Variants in GPHN observed in about 807,000 individuals in gnomAD.
GPHN encodes the protein gephyrin.
Under a neutral mutation model 95.5 loss-of-function variants are expected in GPHN, and 17 were observed. The ratio of observed to expected loss-of-function variants is 0.18; its 90% CI spans 0.12 to 0.27. The LOEUF (loss-of-function observed/expected upper bound fraction) is 0.27, where lower values mean the gene tolerates loss of function less well. Among genes scored for constraint, GPHN ranks in the 10% least tolerant of loss-of-function variants. The pLI is 1.00. For synonymous variants in GPHN, 320 were observed against 322.5 expected (o/e 0.99, Z 0.08); for missense variants, 660 against 978.1 (o/e 0.67, Z 4.34).
At chr14:67,215,950 G>C in the GPHN span, among the ~76,000 whole-genome samples, 1 of 152,008 alleles carries the variant, frequency 6.6e-6, no homozygotes, top group Non-Finnish European at 1.5e-5. Context: ...CATTAGATTC[G>C]CTTTTAATGC....
chr14:67,559,382 G>A, the GPHN span, among the ~76,000 whole-genome samples: 4 of 152,106 alleles, frequency 2.6e-5, no homozygotes, highest in Admixed American at 6.5e-5. Flanking sequence ...GATATGCCGC[G>A]TTTATTCAGC....
chr14:66,855,665 A>G (rs745972427), intron 4 of GPHN, among the ~76,000 whole-genome samples: 1 of 152,100 alleles, frequency 6.6e-6, no homozygotes. Flanking sequence ...ATGTGGGATC[A>G]TATGGCAATT....
At chr14:67,388,303 C>T in the GPHN span, 5 of 1,604,968 alleles carry the variant, frequency 3.1e-6, no homozygotes, top group African/African-American at 6.7e-5. Context: ...TGTTCTCTTC[C>T]TGTAGAGGAA....
the GPHN span, among the ~76,000 whole-genome samples, chr14:67,282,990 G>A: frequency 6.6e-6 from 1 of 152,068 alleles, no homozygotes; most frequent in African/African-American, 2.4e-5. Flanking sequence ...AGGGATGACT[G>A]CCATCTATCA....
chr14:66,579,637 G>A (rs1371449177), intron 1 of GPHN, among the ~76,000 whole-genome samples: 2 of 151,662 alleles, frequency 1.3e-5, no homozygotes, highest in Non-Finnish European at 3.0e-5. Flanking sequence ...AAAAGTGTTG[G>A]TTAATCAAGA....
chr14:66,803,782 G>A (rs573587362), intron 3 of GPHN, among the ~76,000 whole-genome samples: 103 of 151,690 alleles, frequency 6.8e-4, no homozygotes, highest in Non-Finnish European at 1.2e-3. Flanking sequence ...CCTATGTTTT[G>A]TAGTGTTTCT....
At chr14:66,631,532 A>G (rs935903552) in intron 1 of GPHN, among the ~76,000 whole-genome samples, 1 of 152,202 alleles carries the variant, frequency 6.6e-6, no homozygotes, top group Non-Finnish European at 1.5e-5. Flanking sequence ...TTCTATGTAT[A>G]ATTAAAACAA....
the GPHN span, among the ~76,000 whole-genome samples, chr14:67,251,269 C>T: frequency 6.6e-6 from 1 of 152,180 alleles, no homozygotes; most frequent in Non-Finnish European, 1.5e-5. Flanking sequence ...CGCAGTGGCT[C>T]ATGCCTGAAA....
the GPHN span, among the ~76,000 whole-genome samples, chr14:67,451,510 G>T: frequency 6.6e-6 from 1 of 152,240 alleles, no homozygotes; most frequent in Non-Finnish European, 1.5e-5. Flanking sequence ...GCATCAGTGT[G>T]ATCTGGATGT....
At chr14:67,654,301 C>T in the GPHN span, among the ~76,000 whole-genome samples, 2 of 52,214 alleles carry the variant, frequency 3.8e-5, no homozygotes, top group South Asian at 6.8e-4. Flanking sequence ...GATGAGGTCT[C>T]GCTATAGAGA....
At chr14:66,977,576 T>C (rs2070341200) in intron 9 of GPHN, among the ~76,000 whole-genome samples, 2 of 152,314 alleles carry the variant, frequency 1.3e-5, no homozygotes, top group South Asian at 2.1e-4. Context: ...ATAATTTTAA[T>C]GTGTATGGAA....
chr14:67,301,485 A>G, the GPHN span: 1 of 1,561,954 alleles, frequency 6.4e-7, no homozygotes. Flanking sequence ...TGGACAGAAT[A>G]CTATATATGT....
chr14:66,763,018 T>C (rs554670572), intron 2 of GPHN, among the ~76,000 whole-genome samples: 14 of 152,286 alleles, frequency 9.2e-5, no homozygotes, highest in African/African-American at 2.6e-4. Context: ...ATGTCTTCTA[T>C]CTTCAATTTT....
chr14:67,355,344 T>G, the GPHN span, among the ~76,000 whole-genome samples: 1 of 143,168 alleles, frequency 7.0e-6, no homozygotes, highest in Non-Finnish European at 1.5e-5. Context: ...AATACCAAAG[T>G]CAAGCAGAAA....
the GPHN span, among the ~76,000 whole-genome samples, chr14:67,327,292 C>T: frequency 5.9e-5 from 9 of 152,064 alleles, no homozygotes; most frequent in Admixed American, 1.3e-4. Context: ...GTAGAATTGC[C>T]GGATCAAGTG....
At chr14:67,255,176 A>G in the GPHN span, among the ~76,000 whole-genome samples, 1 of 152,118 alleles carries the variant, frequency 6.6e-6, no homozygotes, top group Non-Finnish European at 1.5e-5. Context: ...CGAATCTCTT[A>G]TAATGCTTTT....
chr14:66,729,964 C>A (rs1182287762), intron 2 of GPHN, among the ~76,000 whole-genome samples: 1 of 152,168 alleles, frequency 6.6e-6, no homozygotes, highest in Non-Finnish European at 1.5e-5. Context: ...TAATATTCTT[C>A]CAGGACTTTC....
chr14:66,890,541 A>G (rs952195303), intron 5 of GPHN, among the ~76,000 whole-genome samples: 2 of 152,228 alleles, frequency 1.3e-5, no homozygotes, highest in African/African-American at 4.8e-5. Context: ...ATCTTTTCCA[A>G]AAAATTGAAG....
At chr14:67,698,166 T>C in the GPHN span, among the ~76,000 whole-genome samples, 788 of 152,350 alleles carry the variant, frequency 5.2e-3, 6 homozygotes, top group African/African-American at 0.013. Flanking sequence ...TTGAGCTATA[T>C]TGCCAAAAGA....
Sources: allele counts gnomAD v4.1 joint callset (sites outside exome capture counted in the v4.1 genomes callset), GRCh38; gene constraint gnomAD v4.1.1; transcripts MANE v1.5; gene names NCBI Gene and HGNC (gene_info 2026-07-23, HGNC 2026-07-21).